Variants in GRID2 observed in about 807,000 individuals in gnomAD.
GRID2 encodes glutamate ionotropic receptor delta type subunit 2, also known as glutamate receptor ionotropic, delta-2.
A neutral mutation model predicts 114.8 loss-of-function variants in GRID2; 33 were observed. The observed-to-expected ratio is 0.29, with a 90% CI of 0.22 to 0.38. GRID2 has a LOEUF of 0.38. GRID2 is among the 10% of genes least tolerant of loss of function. GRID2 has a pLI of 1.00. For synonymous variants in GRID2, 505 were observed against 449.9 expected, an observed-to-expected ratio of 1.12 and a Z score of -1.55; for missense variants, 1,184 against 1,257.7, an observed-to-expected ratio of 0.94 and a Z score of 0.89.
At chr4:92,814,753 C>A (rs192083837) in intron 2 of GRID2, among the ~76,000 whole-genome samples, 16 of 152,222 alleles carry the variant, frequency 1.1e-4, no homozygotes, top group African/African-American at 2.9e-4. Context: ...AAGATGCCAT[C>A]CACAGGAAGT....
At chr4:93,042,948 G>A (rs1284490016) in intron 2 of GRID2, among the ~76,000 whole-genome samples, 1 of 151,774 alleles carries the variant, frequency 6.6e-6, no homozygotes, top group Non-Finnish European at 1.5e-5. Context: ...ATGAGATTAT[G>A]AGGGCCTATA....
At position 93,656,686 on chromosome 4, in the gene GRID2, C is replaced by T. The variant is rs1458996503; in HGVS notation, c.2360+30251C>T. 3.5e-5 allele frequency among the ~76,000 whole-genome samples: 5 copies of T among 144,328 alleles called. No homozygotes were observed. The South Asian group carries it at 8.9e-4, about 26-fold the overall frequency. 94.7% of individuals were successfully genotyped at this position (144,328 alleles called of 152,430 possible). A position where few individuals can be genotyped will look rare whatever the true frequency, so the allele number is the denominator to read the frequency against. ...TCTACTAAAAATACAAAAAATTAGC[C>T]AGGCATGGTGGCGGGCACCTGTAGT... On this transcript the variant is annotated intron_variant, in intron 14 of 15. Coordinates refer to ENST00000282020, the MANE Select transcript of GRID2 (RefSeq NM_001510.4).
chr4:92,945,884 C>T (rs911035375), intron 2 of GRID2, among the ~76,000 whole-genome samples: 10 of 152,020 alleles, frequency 6.6e-5, no homozygotes, highest in African/African-American at 2.4e-4. Flanking sequence ...AGATCTATGC[C>T]CCCTTAACTT....
chr4:93,421,414 C>A (rs1185346006), intron 9 of GRID2, among the ~76,000 whole-genome samples: 1 of 152,120 alleles, frequency 6.6e-6, no homozygotes, highest in South Asian at 2.1e-4. Flanking sequence ...TTTACTAGTT[C>A]ATTTTGCTCT....
chr4:92,885,607 G>T (rs546119721), intron 2 of GRID2, among the ~76,000 whole-genome samples: 4 of 152,238 alleles, frequency 2.6e-5, no homozygotes, highest in African/African-American at 9.6e-5. Flanking sequence ...TGATTCTGTT[G>T]TTTAAAGAAC....
At chr4:92,790,793 T>G (rs2149364329) in intron 2 of GRID2, among the ~76,000 whole-genome samples, 1 of 151,898 alleles carries the variant, frequency 6.6e-6, no homozygotes, top group African/African-American at 2.4e-5. Flanking sequence ...CCAGTAAATG[T>G]ATCTTTCATA....
At chr4:93,800,621 CA>C (rs1391956249) in intron 1 of GRID2, among the ~76,000 whole-genome samples, 1 of 152,074 alleles carries the variant, frequency 6.6e-6, no homozygotes, top group African/African-American at 2.4e-5. Flanking sequence ...TCACTGTTAT[CA>C]AAAAGTTTTT....
chr4:92,746,127 T>C (rs952602208), intron 2 of GRID2, among the ~76,000 whole-genome samples: 1 of 152,118 alleles, frequency 6.6e-6, no homozygotes, highest in African/African-American at 2.4e-5. Context: ...TTCAAAATAT[T>C]TGTGCTGTCT....
chr4:93,092,891 G>C (rs536782613), intron 3 of GRID2, among the ~76,000 whole-genome samples: 1 of 151,996 alleles, frequency 6.6e-6, no homozygotes, highest in Admixed American at 6.6e-5. Context: ...CCATGGAGGA[G>C]AGTATTGTAC....
At chr4:93,387,763 G>A (rs1193743778) in intron 8 of GRID2, among the ~76,000 whole-genome samples, 2 of 149,976 alleles carry the variant, frequency 1.3e-5, no homozygotes, top group African/African-American at 4.9e-5. Context: ...CTGGGAGGCC[G>A]AGGCCGAAGT....
intron 2 of GRID2, among the ~76,000 whole-genome samples, chr4:92,965,572 G>T (rs1388065015): frequency 6.8e-6 from 1 of 147,972 alleles, no homozygotes; most frequent in Non-Finnish European, 1.5e-5. Context: ...CCAAAATTTT[G>T]AGAGTAGATG....
intron 1 of GRID2, among the ~76,000 whole-genome samples, chr4:92,378,334 T>C (rs1729453440): frequency 6.6e-6 from 1 of 152,144 alleles, no homozygotes; most frequent in Non-Finnish European, 1.5e-5. Context: ...GTGGTTGTCA[T>C]ATAAAGGATT....
chr4:93,591,852 T>A (rs1208930179), intron 13 of GRID2, among the ~76,000 whole-genome samples: 1 of 152,188 alleles, frequency 6.6e-6, no homozygotes, highest in Non-Finnish European at 1.5e-5. Context: ...GTAGAGGTGT[T>A]TATAGTATTC....
At chr4:92,738,915 A>G (rs563949869) in intron 2 of GRID2, among the ~76,000 whole-genome samples, 20 of 152,250 alleles carry the variant, frequency 1.3e-4, no homozygotes, top group African/African-American at 4.8e-4. Flanking sequence ...CAGTTCTCCC[A>G]TGTTGGCCTC....
At chr4:93,345,846 C>T in intron 8 of GRID2, among the ~76,000 whole-genome samples, 1 of 152,084 alleles carries the variant, frequency 6.6e-6, no homozygotes, top group East Asian at 1.9e-4. Flanking sequence ...GATTCAATTT[C>T]ATTCATCTGC....
At chr4:92,909,172 A>G (rs1219362878) in intron 2 of GRID2, among the ~76,000 whole-genome samples, 2 of 152,082 alleles carry the variant, frequency 1.3e-5, no homozygotes, top group Non-Finnish European at 2.9e-5. Context: ...TAATCTAGCC[A>G]TATATACAAG....
At chr4:93,533,168 T>C (rs1445419847) in intron 13 of GRID2, among the ~76,000 whole-genome samples, 4 of 152,136 alleles carry the variant, frequency 2.6e-5, no homozygotes, top group Non-Finnish European at 5.9e-5. Context: ...AATTCATTCT[T>C]CTTAGATTGA....
At position 93,324,448 on chromosome 4, in the gene GRID2, T is replaced by C. The variant is rs541380872; in HGVS notation, c.1246-71159T>C. Among the ~76,000 whole-genome samples the C allele has an allele frequency of 2.3e-4, 35 of 152,326 alleles. 1 individual carries two copies. In the South Asian group the frequency reaches 5.8e-3, roughly 25 times the overall value. On this transcript the variant is annotated intron_variant, in intron 8 of 15. Coordinates refer to ENST00000282020, the MANE Select transcript of GRID2 (RefSeq NM_001510.4). Reference sequence around the variant, plus strand: ...CTGGATTCAGTTTGCCAGTATTTTATTGAGGATTTTCAAATCGATGTTCAT... The same window carrying C: ...CTGGATTCAGTTTGCCAGTATTTTACTGAGGATTTTCAAATCGATGTTCAT...
At chr4:93,267,554 G>A (rs1392996506) in intron 8 of GRID2, among the ~76,000 whole-genome samples, 1 of 152,186 alleles carries the variant, frequency 6.6e-6, no homozygotes, top group African/African-American at 2.4e-5. Flanking sequence ...CAAAGCTAGT[G>A]CTAAGTCAGA....
Sources: gnomAD v4.1 joint callset for allele counts (sites outside exome capture counted in the v4.1 genomes callset) on GRCh38, gnomAD v4.1.1 for gene constraint, MANE v1.5 for transcripts, NCBI Gene and HGNC (gene_info 2026-07-23, HGNC 2026-07-21) for gene names.